PDE11A: variants seen among roughly 807,000 people sequenced by gnomAD.
PDE11A encodes the protein dual 3',5'-cyclic-AMP and -GMP phosphodiesterase 11A.
PDE11A carries 100 observed loss-of-function variants against 100.5 expected under a neutral mutation model. The observed-to-expected ratio is 1.00, with a 90% confidence interval of 0.85 to 1.18. The LOEUF (loss-of-function observed/expected upper bound fraction) is 1.18, where lower values mean the gene tolerates loss of function less well. PDE11A is among the 50% of genes most tolerant of loss of function. The pLI, the probability that PDE11A is intolerant of heterozygous loss-of-function variation, is 0.00. For missense variants in PDE11A, 1,141 were observed against 1,152.6 expected (o/e 0.99, Z 0.15); for synonymous variants, 381 against 420.8 (o/e 0.91, Z 1.16).
chr2:178,041,465 A>G (rs1342400751), intron 1 of PDE11A, among the ~76,000 whole-genome samples: 2 of 150,922 alleles, frequency 1.3e-5, no homozygotes, highest in African/African-American at 4.9e-5. Flanking sequence ...GCTGGTCTCG[A>G]ACTCCTGACC....
intron 19 of PDE11A, among the ~76,000 whole-genome samples, chr2:177,655,428 T>G (rs1029298961): frequency 2.6e-5 from 4 of 152,190 alleles, no homozygotes; most frequent in African/African-American, 9.7e-5. Flanking sequence ...CACCTGCCAA[T>G]TATCATGCAT....
intron 13 of PDE11A, among the ~76,000 whole-genome samples, chr2:177,709,614 G>A (rs2081329294): frequency 6.6e-6 from 1 of 152,192 alleles, no homozygotes; most frequent in Admixed American, 6.5e-5. Context: ...ATGGCTGGTG[G>A]CCCTGCCTGA....
intron 2 of PDE11A, among the ~76,000 whole-genome samples, chr2:178,096,164 C>CTTTTTTTTTTTTTTTTT (rs1257178630): frequency 5.8e-4 from 64 of 110,242 alleles, no homozygotes; most frequent in African/African-American, 7.0e-4. Flanking sequence ...TTTTTCTTTT[C>CTTTTTTTTTTTTTTTTT]TTTTCTTTTT....
chr2:178,099,885 T>TA (rs2087540854), intron 2 of PDE11A, among the ~76,000 whole-genome samples: 1 of 152,164 alleles, frequency 6.6e-6, no homozygotes, highest in South Asian at 2.1e-4. Flanking sequence ...GATAAATAGA[T>TA]AAACAAAATG....
chr2:178,058,522 T>G (rs1292628882), intron 1 of PDE11A, among the ~76,000 whole-genome samples: 2 of 152,236 alleles, frequency 1.3e-5, no homozygotes, highest in Non-Finnish European at 2.9e-5. Context: ...GCCAGGAGTG[T>G]GAGGCCTCCT....
chr2:177,738,286 G>C (rs996605759), intron 10 of PDE11A, among the ~76,000 whole-genome samples: 8 of 152,132 alleles, frequency 5.3e-5, no homozygotes, highest in Admixed American at 2.6e-4. Flanking sequence ...GAAGAAGGTA[G>C]GTCCTTGCAG....
At chr2:177,874,897 G>T (rs76544860) in intron 5 of PDE11A, among the ~76,000 whole-genome samples, 3,410 of 152,204 alleles carry the variant, frequency 0.022, 59 homozygotes, top group East Asian at 0.075. Flanking sequence ...CAAAGTTCAG[G>T]AGTCAGCAGA....
At chr2:177,808,288 T>C (rs1482189692) in intron 9 of PDE11A, among the ~76,000 whole-genome samples, 1 of 152,230 alleles carries the variant, frequency 6.6e-6, no homozygotes, top group Admixed American at 6.5e-5. Context: ...TGGTATTCCT[T>C]GTACCTGTGA....
intron 9 of PDE11A, among the ~76,000 whole-genome samples, chr2:177,796,071 A>G (rs2082704955): frequency 6.7e-6 from 1 of 149,606 alleles, no homozygotes; most frequent in South Asian, 2.1e-4. Context: ...TCTTTGCTGT[A>G]AGATTTTAGC....
intron 1 of PDE11A, among the ~76,000 whole-genome samples, chr2:178,105,973 TGAACACAAA>T (rs751188100): frequency 4.1e-4 from 63 of 152,346 alleles, no homozygotes; most frequent in Admixed American, 5.2e-4. Flanking sequence ...GGGATGGATT[TGAACACAAA>T]GAATTACTAC....
chr2:177,736,838 C>T (rs566974734), intron 10 of PDE11A, among the ~76,000 whole-genome samples: 1 of 152,304 alleles, frequency 6.6e-6, no homozygotes, highest in Non-Finnish European at 1.5e-5. Context: ...GACTTTAGCT[C>T]ATTAGCATCC....
intron 2 of PDE11A, among the ~76,000 whole-genome samples, chr2:178,004,190 C>T (rs1319416170): frequency 2.6e-5 from 4 of 151,894 alleles, no homozygotes; most frequent in African/African-American, 4.8e-5. Context: ...ACGGGTGATA[C>T]TAATTTTTCC....
rs535530171 is a variant in PDE11A at position 178,055,811 on chromosome 2, CT to C, written c.912+15714del. Among the ~76,000 whole-genome samples, 464 of 152,082 alleles carry C rather than the reference CT, an allele frequency of 3.1e-3. 3 individuals carry two copies. The highest frequency in any genetic ancestry group is 0.01 in the African/African-American group (435 of 41,498). On this transcript the variant is annotated intron_variant, in intron 1 of 19. Coordinates refer to ENST00000286063, the MANE Select transcript of PDE11A (RefSeq NM_016953.4). ...CTATTTCAAATATGGAAAAGCTGGC[CT>C]TATTATTTAGCTTTGTACACTTATA...
rs1325050862 is a variant in PDE11A, at chr2:177,624,311, TAG to T, written c.*5094_*5095del. The T allele has an allele frequency of 1.3e-5, 2 of 150,996 alleles. No homozygotes were observed. Among genetic ancestry groups the T allele is most frequent in the African/African-American group, 4.9e-5 (2 of 41,196 alleles). The allele number at this position is 150,996 out of a possible 1,614,324, so 9.4% of individuals were successfully genotyped here. On this transcript the variant is annotated 3_prime_UTR_variant, in exon 20 of 20. Transcript: ENST00000286063. Reference sequence around the variant, plus strand: ...TTTTCTTTATATTTAAATCTTTCCCTAGTATGTCTAGGTTTCTGTCCCACTGG... The same window carrying T: ...TTTTCTTTATATTTAAATCTTTCCCTTATGTCTAGGTTTCTGTCCCACTGG...
At chr2:177,894,764 T>G (rs2084583565) in intron 4 of PDE11A, among the ~76,000 whole-genome samples, 1 of 152,334 alleles carries the variant, frequency 6.6e-6, no homozygotes. Flanking sequence ...CATCCTTATC[T>G]TAATTTAAAA....
intron 2 of PDE11A, among the ~76,000 whole-genome samples, chr2:177,999,583 C>T (rs897077558): frequency 5.3e-5 from 8 of 152,156 alleles, no homozygotes; most frequent in Admixed American, 2.0e-4. Context: ...ACTGCCCAGA[C>T]GCTATGATGC....
chr2:177,667,326 A>C (rs2080604263), intron 18 of PDE11A, among the ~76,000 whole-genome samples: 1 of 152,136 alleles, frequency 6.6e-6, no homozygotes. Context: ...ACCATGGCTA[A>C]CCCCTATCCA....
chr2:177,679,151 G>A (rs1402927038), intron 16 of PDE11A, among the ~76,000 whole-genome samples: 2 of 143,244 alleles, frequency 1.4e-5, no homozygotes, highest in African/African-American at 5.3e-5. Context: ...GAGAACAAAG[G>A]TTGTAGCTTT....
chr2:177,786,134 T>C (rs879878930), intron 9 of PDE11A, among the ~76,000 whole-genome samples: 1 of 152,006 alleles, frequency 6.6e-6, no homozygotes, highest in Non-Finnish European at 1.5e-5. Flanking sequence ...CTGGGAGGCA[T>C]CCCCCAGTAG....
Sources: gnomAD v4.1 joint callset for allele counts (sites outside exome capture counted in the v4.1 genomes callset) on GRCh38, gnomAD v4.1.1 for gene constraint, MANE v1.5 for transcripts, NCBI Gene and HGNC (gene_info 2026-07-23, HGNC 2026-07-21) for gene names.